FAR1: variants seen among roughly 807,000 people sequenced by gnomAD.
The protein encoded by FAR1 is male sterility domain-containing protein 2.
Under a neutral mutation model 61.1 loss-of-function variants are expected in FAR1, and 22 were observed. The ratio of observed to expected loss-of-function variants is 0.36; its 90% CI spans 0.26 to 0.51. The LOEUF (loss-of-function observed/expected upper bound fraction) is 0.51. Among genes scored for constraint, FAR1 ranks in the 20% least tolerant of loss-of-function variants. FAR1 has a pLI of 0.95. For missense variants in FAR1, 359 were observed against 626.9 expected (o/e 0.57, Z 4.56); for synonymous variants, 206 against 209.7 (o/e 0.98, Z 0.15).
At chr11:13,711,071 A>G (rs1301887975) in intron 5 of FAR1, 6 of 510,168 alleles carry the variant, frequency 1.2e-5, no homozygotes, top group Admixed American at 4.1e-5. Context: ...ATAGAAATGT[A>G]GATCAACATT....
At chr11:13,672,421 G>T (rs1848016483) in intron 1 of FAR1, among the ~76,000 whole-genome samples, 1 of 151,754 alleles carries the variant, frequency 6.6e-6, no homozygotes, top group South Asian at 2.1e-4. Context: ...GGGCAAGGTG[G>T]TGTGCACACC....
intron 1 of FAR1, among the ~76,000 whole-genome samples, chr11:13,678,668 C>A (rs1848093360): frequency 6.6e-6 from 1 of 152,046 alleles, no homozygotes; most frequent in African/African-American, 2.4e-5. Flanking sequence ...AGCATTATTT[C>A]CCTAGCTGTG....
chr11:13,728,229 CCTT>C (rs1848686287), intron 11 of FAR1, among the ~76,000 whole-genome samples: 1 of 151,772 alleles, frequency 6.6e-6, no homozygotes, highest in African/African-American at 2.4e-5. Flanking sequence ...GGAGGATCCT[CCTT>C]TATCAAGTTA....
At chr11:13,693,392 C>T (rs1848274806) in intron 1 of FAR1, among the ~76,000 whole-genome samples, 1 of 152,162 alleles carries the variant, frequency 6.6e-6, no homozygotes, top group African/African-American at 2.4e-5. Flanking sequence ...TCTCCTGATC[C>T]ACTGCCTCCT....
At chr11:13,718,469 C>T (rs964998635) in intron 9 of FAR1, among the ~76,000 whole-genome samples, 1 of 152,142 alleles carries the variant, frequency 6.6e-6, no homozygotes, top group Non-Finnish European at 1.5e-5. Context: ...TTCTTAAAAC[C>T]CTTTAAGGCT....
chr11:13,728,094 A>G (rs992367929), intron 11 of FAR1, among the ~76,000 whole-genome samples: 14 of 151,810 alleles, frequency 9.2e-5, no homozygotes, highest in Non-Finnish European at 2.1e-4. Context: ...AGGTCAGTAT[A>G]ATTTATGTAA....
rs1328266370 is a variant in FAR1 at position 13,727,740 on chromosome 11, A to G, written c.1385+57A>G. 4.0e-6 allele frequency: 6 copies of G among 1,507,086 alleles called. No individual in the cohort carries two copies. The Admixed American group carries it at 6.7e-5, about 17-fold the overall frequency. The allele number at this position is 1,507,086 out of a possible 1,614,324, so 93.4% of individuals were successfully genotyped here. ...TGTCTTCCTTATGAAATATTCCACAATTTTTTTGGTAAACTGGTATATTTG... is the reference window on the plus strand; with the variant it reads ...TGTCTTCCTTATGAAATATTCCACAGTTTTTTTGGTAAACTGGTATATTTG... On this transcript the variant is annotated intron_variant, in intron 11 of 11. Coordinates refer to ENST00000354817, the MANE Select transcript of FAR1 (RefSeq NM_032228.6).
At chr11:13,698,478 T>C (rs1348950861) in intron 2 of FAR1, among the ~76,000 whole-genome samples, 1 of 152,140 alleles carries the variant, frequency 6.6e-6, no homozygotes, top group African/African-American at 2.4e-5. Context: ...CTAAAACTCA[T>C]TACTGCCAAA....
At chr11:13,670,988 A>G (rs192511024) in intron 1 of FAR1, among the ~76,000 whole-genome samples, 3 of 152,356 alleles carry the variant, frequency 2.0e-5, no homozygotes, top group East Asian at 1.9e-4. Flanking sequence ...GCTGTGTAAC[A>G]TGTTTGCTTG....
chr11:13,708,683 G>A (rs1259406854), intron 4 of FAR1, among the ~76,000 whole-genome samples: 1 of 152,058 alleles, frequency 6.6e-6, no homozygotes, highest in Non-Finnish European at 1.5e-5. Context: ...TAGCAACCAA[G>A]AAGTACCAAT....
At chr11:13,691,533 C>A (rs1266211328) in intron 1 of FAR1, among the ~76,000 whole-genome samples, 1 of 152,152 alleles carries the variant, frequency 6.6e-6, no homozygotes, top group African/African-American at 2.4e-5. Context: ...TCAACTATTC[C>A]CCTATGCCAC....
chr11:13,711,367 TTC>T (rs1385554080), intron 5 of FAR1, among the ~76,000 whole-genome samples: 3 of 152,300 alleles, frequency 2.0e-5, no homozygotes, highest in African/African-American at 7.2e-5. Flanking sequence ...TATTCTATTT[TTC>T]TCTGTTTTAT....
intron 1 of FAR1, among the ~76,000 whole-genome samples, chr11:13,682,929 G>A (rs1848144492): frequency 6.6e-6 from 1 of 151,862 alleles, no homozygotes. Flanking sequence ...CCTTTTAAAG[G>A]GACATTTATT....
intron 1 of FAR1, chr11:13,669,771 A>T (rs368397475): frequency 6.6e-6 from 1 of 152,184 alleles, no homozygotes; most frequent in African/African-American, 2.4e-5. Flanking sequence ...TCCCTGTGAC[A>T]GTTCATCTCG....
At chr11:13,688,576 A>T (rs1237128706) in intron 1 of FAR1, among the ~76,000 whole-genome samples, 1 of 152,194 alleles carries the variant, frequency 6.6e-6, no homozygotes, top group African/African-American at 2.4e-5. Context: ...TCTTACATGC[A>T]TATGTACACC....
chr11:13,673,948 T>C (rs1938914652), intron 1 of FAR1, among the ~76,000 whole-genome samples: 1 of 152,216 alleles, frequency 6.6e-6, no homozygotes, highest in African/African-American at 2.4e-5. Flanking sequence ...AAATATATAC[T>C]ACCAATAAAA....
intron 3 of FAR1, 121 bp from the exon 4 acceptor site, chr11:13,707,779 A>ATAAGT: frequency 3.6e-6 from 2 of 550,462 alleles, no homozygotes; most frequent in East Asian, 6.9e-5. Flanking sequence ...CAGCTAAAGG[A>ATAAGT]TAAGTTGTAA....
At chr11:13,686,324 C>A (rs1348323605) in intron 1 of FAR1, among the ~76,000 whole-genome samples, 2 of 152,152 alleles carry the variant, frequency 1.3e-5, no homozygotes, top group Non-Finnish European at 2.9e-5. Context: ...CTGGCTGACC[C>A]ATGGAATTTC....
intron 2 of FAR1, 32 bp downstream of exon 2, chr11:13,694,986 GA>G (rs772556363): frequency 4.6e-6 from 7 of 1,535,594 alleles, no homozygotes; most frequent in Non-Finnish European, 4.4e-6. Flanking sequence ...TCAGAACAAA[GA>G]AAAAAGCGTG....
Sources: allele counts gnomAD v4.1 joint callset (sites outside exome capture counted in the v4.1 genomes callset), GRCh38; gene constraint gnomAD v4.1.1; transcripts MANE v1.5; gene names NCBI Gene and HGNC (gene_info 2026-07-23, HGNC 2026-07-21).